Variants in PRKCB observed in about 807,000 individuals in gnomAD.
PRKCB encodes protein kinase C beta type.
PRKCB carries 13 observed loss-of-function variants against 81.5 expected under a neutral mutation model. The ratio of observed to expected loss-of-function variants is 0.16; its 90% CI spans 0.10 to 0.25. The LOEUF is 0.25. PRKCB is among the 10% of genes least tolerant of loss of function. The probability of loss-of-function intolerance (pLI) is 1.00; values close to 1 mark genes in which losing one functional copy is unlikely to be tolerated. For synonymous variants in PRKCB, 335 were observed against 321.4 expected (o/e 1.04, Z -0.45); for missense variants, 509 against 875.7 (o/e 0.58, Z 5.29).
rs191350716 is a variant in PRKCB, at chr16:23,993,536, A to T, written c.288+4946A>T. Among the ~76,000 whole-genome samples, 239 of 152,336 alleles carry T rather than the reference A, an allele frequency of 1.6e-3. 2 individuals are homozygous for T. Among genetic ancestry groups the T allele is most frequent in the Middle Eastern group, 3.4e-3 (1 of 294 alleles). On this transcript the variant is annotated intron_variant, in intron 3 of 16. Coordinates refer to ENST00000643927, the MANE Select transcript of PRKCB (RefSeq NM_002738.7). ...GCTGGGAAGGTCAGACATACCTTTA[A>T]GAAAGGTATGTCTCTGTCAATACTT...
chr16:24,218,569 A>T lies in PRKCB; in HGVS notation c.*3753A>T, dbSNP rs1275838250. 2 of 985,314 alleles carry T rather than the reference A, an allele frequency of 2.0e-6. No homozygotes were observed. The highest frequency in any genetic ancestry group is 1.2e-6 in the Non-Finnish European group (1 of 829,954). The allele number at this position is 985,314 out of a possible 1,614,324, so 61.0% of individuals were successfully genotyped here. On this transcript the variant is annotated 3_prime_UTR_variant, in exon 17 of 17. Coordinates refer to ENST00000643927, the MANE Select transcript of PRKCB (RefSeq NM_002738.7). ...AGTAAGGAGGGAACTCCATAGAGAC[A>T]TTTTACCTATCTCAGGGGAGCAGCC...
rs150038305 is a variant in PRKCB at position 24,019,576 on chromosome 16, T to G, written c.289-12560T>G. On this transcript the variant is annotated intron_variant, in intron 3 of 16. Transcript: ENST00000643927. ...CTTGAGCTCAGGCGACCAGCCTGAC[T>G]AATATGGCGAAACCCTGTCTCTGCA... Among the ~76,000 whole-genome samples the G allele has an allele frequency of 2.0e-5, 3 of 152,236 alleles. No homozygotes were observed. The East Asian group carries it at 5.8e-4, about 29-fold the overall frequency.
intron 5 of PRKCB, among the ~76,000 whole-genome samples, chr16:24,080,808 C>T (rs1368857062): frequency 6.6e-6 from 1 of 152,094 alleles, no homozygotes; most frequent in African/African-American, 2.4e-5. Flanking sequence ...AAAAGTATAA[C>T]ACATGATACT....
chr16:24,020,936 C>A (rs1199578651), intron 3 of PRKCB, among the ~76,000 whole-genome samples: 2 of 152,052 alleles, frequency 1.3e-5, no homozygotes, highest in Non-Finnish European at 2.9e-5. Context: ...CACCTGTGGG[C>A]AAAGCTGCAC....
At chr16:24,037,070 C>A (rs1024151685) in intron 5 of PRKCB, among the ~76,000 whole-genome samples, 22 of 152,266 alleles carry the variant, frequency 1.4e-4, no homozygotes, top group Admixed American at 9.8e-4. Context: ...CTCACTGGAA[C>A]CTCCACCTCC....
chr16:23,970,938 G>A (rs926193445), intron 2 of PRKCB, among the ~76,000 whole-genome samples: 2 of 152,178 alleles, frequency 1.3e-5, no homozygotes, highest in Non-Finnish European at 2.9e-5. Flanking sequence ...ACAGAGTAGT[G>A]GTCAGGGCTT....
At chr16:24,175,253 G>A (rs1967509821) in intron 12 of PRKCB, among the ~76,000 whole-genome samples, 1 of 152,102 alleles carries the variant, frequency 6.6e-6, no homozygotes, top group South Asian at 2.1e-4. Flanking sequence ...ATGCAAGAGA[G>A]GCTGCAAGGT....
intron 2 of PRKCB, among the ~76,000 whole-genome samples, chr16:23,980,785 C>T (rs756674777): frequency 4.0e-5 from 6 of 149,654 alleles, no homozygotes; most frequent in Admixed American, 6.6e-5. Context: ...AGAGGGGAAT[C>T]GACTCCAAAC....
intron 2 of PRKCB, among the ~76,000 whole-genome samples, chr16:23,974,053 C>T (rs764652654): frequency 1.4e-4 from 22 of 151,746 alleles, no homozygotes; most frequent in Non-Finnish European, 2.4e-4. Context: ...TATGAGGTCT[C>T]ATATATATAT....
chr16:24,184,041 G>A (rs1045963184), intron 13 of PRKCB, among the ~76,000 whole-genome samples: 5 of 152,176 alleles, frequency 3.3e-5, no homozygotes, highest in Non-Finnish European at 5.9e-5. Context: ...ATATGTTACA[G>A]CATTGGAAGA....
chr16:24,111,854 T>C (rs1202844674), intron 7 of PRKCB, among the ~76,000 whole-genome samples: 1 of 152,212 alleles, frequency 6.6e-6, no homozygotes, highest in Non-Finnish European at 1.5e-5. Flanking sequence ...ATGCCACTAA[T>C]TGAATACTTG....
intron 2 of PRKCB, among the ~76,000 whole-genome samples, chr16:23,901,482 G>A (rs559351111): frequency 2.8e-3 from 425 of 152,262 alleles, no homozygotes; most frequent in Non-Finnish European, 5.1e-3. Flanking sequence ...CTTTGAGAGC[G>A]GAAGGGGAGT....
rs556246939 is a variant in PRKCB, at chr16:24,009,193, A to G, written c.288+20603A>G. On this transcript the variant is annotated intron_variant, in intron 3 of 16. Coordinates refer to ENST00000643927, the MANE Select transcript of PRKCB (RefSeq NM_002738.7). ...ACATTTCTTCAGGATGTTAATTTCA[A>G]TTCTTTTGGGTAAATACCCAGAGGT... Among the ~76,000 whole-genome samples, 9 of 152,334 alleles carry G rather than the reference A, an allele frequency of 5.9e-5. 1 individual carries two copies. Among genetic ancestry groups the G allele is most frequent in the Admixed American group, 4.6e-4 (7 of 15,310 alleles).
chr16:24,189,267 CT>C (rs1250555690), intron 15 of PRKCB, among the ~76,000 whole-genome samples: 1 of 152,156 alleles, frequency 6.6e-6, no homozygotes, highest in East Asian at 1.9e-4. Flanking sequence ...TGTTCATTGC[CT>C]TTTTATTCAA....
chr16:24,217,995 A>G lies in PRKCB; in HGVS notation c.*3179A>G. ...GCTCGGGGACAATTATAAGTTGCAA[A>G]AAGGATAGAGGCATATCCCAAGTCT... On this transcript the variant is annotated 3_prime_UTR_variant, in exon 17 of 17. Coordinates refer to ENST00000643927, the MANE Select transcript of PRKCB (RefSeq NM_002738.7). 2.0e-6 allele frequency: 2 copies of G among 985,340 alleles called. No homozygotes were observed. Among genetic ancestry groups the G allele is most frequent in the Non-Finnish European group, 2.4e-6 (2 of 829,910 alleles). The allele number at this position is 985,340 out of a possible 1,614,324, so 61.0% of individuals were successfully genotyped here.
intron 1 of PRKCB, 138 bp from the exon 2 acceptor site, chr16:23,837,237 C>T: frequency 1.9e-6 from 2 of 1,066,640 alleles, no homozygotes; most frequent in Non-Finnish European, 2.9e-6. Flanking sequence ...AGGCGGAAGA[C>T]TCTTGGGCAC....
chr16:24,024,278 T>C (rs184708578), intron 3 of PRKCB, among the ~76,000 whole-genome samples: 3 of 151,994 alleles, frequency 2.0e-5, no homozygotes, highest in Non-Finnish European at 2.9e-5. Context: ...CTCACAGAAG[T>C]AGAGAGTAGA....
chr16:24,027,348 C>G (rs1965494568), intron 3 of PRKCB, among the ~76,000 whole-genome samples: 1 of 152,192 alleles, frequency 6.6e-6, no homozygotes, highest in South Asian at 2.1e-4. Context: ...TTCTGTGGCA[C>G]AGAGCAGGGG....
chr16:24,034,814 C>T lies in PRKCB; in HGVS notation c.401-605C>T, dbSNP rs1359235052. ...TTGGAACAACTCTGAAGGGTCATCT[C>T]AGCTCTGGGCTCCCCCTAACATCAG... On this transcript the variant is annotated intron_variant, in intron 4 of 16. Transcript: ENST00000643927. 2.0e-5 allele frequency among the ~76,000 whole-genome samples: 3 copies of T among 152,160 alleles called. No individual in the cohort carries two copies. In the East Asian group the frequency reaches 5.8e-4, roughly 29 times the overall value.
Sources: gnomAD v4.1 joint callset for allele counts (sites outside exome capture counted in the v4.1 genomes callset) on GRCh38, gnomAD v4.1.1 for gene constraint, MANE v1.5 for transcripts, NCBI Gene and HGNC (gene_info 2026-07-23, HGNC 2026-07-21) for gene names.